The following MYRIP variants were observed in gnomAD, a reference collection of about 807,000 sequenced individuals.
MYRIP encodes the protein rab effector MyRIP.
In MYRIP, 49 loss-of-function variants were observed where a neutral mutation model predicts 98.0. That is an observed-to-expected ratio of 0.50 (90% CI 0.40 to 0.63). MYRIP has a LOEUF of 0.63. MYRIP is among the 30% of genes least tolerant of loss of function. MYRIP has a pLI of 0.00. For missense variants in MYRIP, 1,004 were observed against 1,058.2 expected (o/e 0.95, Z 0.71); for synonymous variants, 404 against 409.5 (o/e 0.99, Z 0.16).
chr3:40,231,154 G>T (rs1952644295), intron 11 of MYRIP, among the ~76,000 whole-genome samples: 1 of 152,232 alleles, frequency 6.6e-6, no homozygotes, highest in South Asian at 2.1e-4. Context: ...GCTGGAAGCT[G>T]GTTCCCTTCT....
intron 1 of MYRIP, among the ~76,000 whole-genome samples, chr3:39,898,172 A>G (rs1943659137): frequency 6.6e-6 from 1 of 152,152 alleles, no homozygotes; most frequent in African/African-American, 2.4e-5. Context: ...ACCTAGTGCA[A>G]GTACATTAGG....
chr3:39,994,310 G>A (rs1041650065), intron 2 of MYRIP, among the ~76,000 whole-genome samples: 9 of 152,224 alleles, frequency 5.9e-5, no homozygotes, highest in African/African-American at 2.2e-4. Context: ...GGTGACAGAT[G>A]GCACCTGGAA....
intron 1 of MYRIP, among the ~76,000 whole-genome samples, chr3:39,885,338 G>A (rs532938016): frequency 1.3e-4 from 20 of 152,094 alleles, no homozygotes; most frequent in Non-Finnish European, 2.8e-4. Context: ...ACTCTCTTCT[G>A]GCTTGTAGAG....
chr3:39,924,600 A>G (rs768424372), intron 2 of MYRIP, among the ~76,000 whole-genome samples: 2 of 152,156 alleles, frequency 1.3e-5, no homozygotes, highest in Non-Finnish European at 2.9e-5. Flanking sequence ...ACAAGGATGT[A>G]GAAAAAATCA....
intron 1 of MYRIP, among the ~76,000 whole-genome samples, chr3:39,871,664 C>CA (rs1304383065): frequency 1.4e-4 from 21 of 151,988 alleles, no homozygotes; most frequent in African/African-American, 4.8e-4. Context: ...ACACATTCCA[C>CA]AAAAAATGAT....
At chr3:40,184,653 A>AT (rs61126239) in intron 9 of MYRIP, among the ~76,000 whole-genome samples, 10,519 of 152,316 alleles carry the variant, frequency 0.069, 1,169 homozygotes, top group African/African-American at 0.24. Flanking sequence ...AATGTGTAGG[A>AT]TATTATAAAA....
At chr3:39,941,304 TA>T (rs1944778164) in intron 2 of MYRIP, among the ~76,000 whole-genome samples, 1 of 152,018 alleles carries the variant, frequency 6.6e-6, no homozygotes, top group Admixed American at 6.6e-5. Flanking sequence ...TATGAACTAA[TA>T]GAGTAAAAAT....
chr3:40,158,617 T>C (rs1394279543), intron 4 of MYRIP, among the ~76,000 whole-genome samples: 1 of 152,136 alleles, frequency 6.6e-6, no homozygotes, highest in East Asian at 1.9e-4. Flanking sequence ...CCCATTATTA[T>C]TGTTTGGGAG....
At chr3:39,904,316 A>T (rs895799104) in intron 2 of MYRIP, among the ~76,000 whole-genome samples, 1 of 151,666 alleles carries the variant, frequency 6.6e-6, no homozygotes, top group Non-Finnish European at 1.5e-5. Flanking sequence ...GCACGATGCA[A>T]CCTCTGTCTC....
At chr3:40,208,905 G>A (rs1003782815) in intron 10 of MYRIP, 1 of 152,146 alleles carries the variant, frequency 6.6e-6, no homozygotes, top group African/African-American at 2.4e-5. Context: ...CACCCTATTG[G>A]TTACTGGTTA....
At chr3:40,257,309 G>A (rs960180869) in intron 16 of MYRIP, among the ~76,000 whole-genome samples, 2 of 152,184 alleles carry the variant, frequency 1.3e-5, no homozygotes, top group African/African-American at 2.4e-5. Context: ...GCAACAGAGT[G>A]AGACCCTGTC....
At chr3:40,057,037 T>C (rs922078397) in intron 3 of MYRIP, among the ~76,000 whole-genome samples, 1 of 152,156 alleles carries the variant, frequency 6.6e-6, no homozygotes, top group African/African-American at 2.4e-5. Flanking sequence ...ATTGATGTGA[T>C]AGTAACAGTG....
chr3:40,035,173 T>C (rs1303922372), intron 2 of MYRIP, among the ~76,000 whole-genome samples: 1 of 151,348 alleles, frequency 6.6e-6, no homozygotes, highest in Non-Finnish European at 1.5e-5. Context: ...TGTATACATA[T>C]GTAACAAACC....
At chr3:40,159,195 G>A (rs1306026393) in intron 4 of MYRIP, among the ~76,000 whole-genome samples, 1 of 151,786 alleles carries the variant, frequency 6.6e-6, no homozygotes, top group Non-Finnish European at 1.5e-5. Context: ...GCCTGGTGGT[G>A]ACAAAATCTC....
intron 4 of MYRIP, among the ~76,000 whole-genome samples, chr3:40,160,157 TAG>T (rs1170935767): frequency 6.6e-5 from 10 of 152,252 alleles, no homozygotes; most frequent in Non-Finnish European, 1.5e-4. Context: ...GATGGTGATG[TAG>T]AGATGGGTTT....
chr3:40,102,107 G>A (rs1255524132), intron 3 of MYRIP, among the ~76,000 whole-genome samples: 1 of 152,234 alleles, frequency 6.6e-6, no homozygotes, highest in African/African-American at 2.4e-5. Context: ...GGGGGCCAAG[G>A]CCAAGCCCAG....
At chr3:39,884,094 C>G (rs1349607590) in intron 1 of MYRIP, among the ~76,000 whole-genome samples, 1 of 152,020 alleles carries the variant, frequency 6.6e-6, no homozygotes, top group Non-Finnish European at 1.5e-5. Context: ...AACCAGAGAA[C>G]AAAAGGCAGA....
Position 40,182,226 on chromosome 3 carries a change from C to A in MYRIP, c.880C>A (p.Gln294Lys). ...YRAPAALWRS[Q>K]SAFSITGEEA... ...CCCTCTTTCCTTTCCACAGAGGTCC[C>A]AGTCTGCCTTCTCAATCACTGGAGA... The change falls in exon 9 of 17, where the codon CAG (glutamine) becomes AAG (lysine). Residue 294 changes from glutamine (Q) to lysine (K), a missense_variant. Transcript: ENST00000302541. 1 of 1,609,368 alleles carries A rather than the reference C, an allele frequency of 6.2e-7. No homozygotes were observed. Among genetic ancestry groups the A allele is most frequent in the East Asian group, 2.2e-5 (1 of 44,674 alleles).
chr3:39,830,872 A>T (rs1462044157), intron 1 of MYRIP, among the ~76,000 whole-genome samples: 5 of 152,216 alleles, frequency 3.3e-5, no homozygotes, highest in Non-Finnish European at 7.3e-5. Context: ...GACTCGCTGT[A>T]TGCAAATAAT....
Sources: gnomAD v4.1 joint callset for allele counts (sites outside exome capture counted in the v4.1 genomes callset) on GRCh38, gnomAD v4.1.1 for gene constraint, MANE v1.5 for transcripts, NCBI Gene and HGNC (gene_info 2026-07-23, HGNC 2026-07-21) for gene names.